ZNF318: variants seen among roughly 807,000 people sequenced by gnomAD.
The protein encoded by ZNF318 is endocrine regulator.
A neutral mutation model predicts 124.2 loss-of-function variants in ZNF318; 51 were observed. The ratio of observed to expected loss-of-function variants is 0.41; its 90% CI spans 0.33 to 0.52. The LOEUF is 0.52. ZNF318 is among the 20% of genes least tolerant of loss of function. The pLI is 0.23. For synonymous variants in ZNF318, 1,090 were observed against 1,040.7 expected (o/e 1.05, Z -0.91); for missense variants, 2,815 against 2,811.2 (o/e 1.00, Z -0.03).
chr6:43,339,173 T>C lies in ZNF318; in HGVS notation c.4825A>G (p.Ser1609Gly), dbSNP rs1779334659. Reference sequence around the variant, plus strand: ...GGAGAAGTAGAAGAGGTGTCTGAACTTTTGGTTCTAGAGAGGTTGCTATTT... The same window carrying C: ...GGAGAAGTAGAAGAGGTGTCTGAACCTTTGGTTCTAGAGAGGTTGCTATTT... Reference protein sequence around the residue: ...GENSNLSRTKSSDTSSTSPLN... With the variant: ...GENSNLSRTKGSDTSSTSPLN... The change falls in exon 10 of 10, where the codon AGT becomes GGT. Residue 1609 changes from serine (S) to glycine (G), a missense_variant. Ser to Gly is a moderately conservative substitution (Grantham distance 56). Coordinates refer to ENST00000361428, the MANE Select transcript of ZNF318 (RefSeq NM_014345.3). The surrounding 1 kb of genome is among the most constrained non-coding windows in gnomAD (Gnocchi z 4.2). The C allele has an allele frequency of 6.2e-7, 1 of 1,614,052 alleles. No homozygotes were observed. The highest frequency in any genetic ancestry group is 8.5e-7 in the Non-Finnish European group (1 of 1,180,028).
intron 2 of ZNF318, 44 bp from the exon 3 acceptor site, chr6:43,357,809 G>A: frequency 6.5e-7 from 1 of 1,529,662 alleles, no homozygotes. Context: ...GACTTGGAAA[G>A]AATAAGAGCA....
At chr6:43,356,816 C>G (rs1333218229) in intron 3 of ZNF318, among the ~76,000 whole-genome samples, 2 of 152,110 alleles carry the variant, frequency 1.3e-5, no homozygotes, top group Non-Finnish European at 2.9e-5. Flanking sequence ...CCTTGCCCTT[C>G]AAGGTTCATT....
chr6:43,346,524 CAAAA>C (rs59587962), intron 6 of ZNF318, among the ~76,000 whole-genome samples: 54 of 104,534 alleles, frequency 5.2e-4, no homozygotes, highest in African/African-American at 7.8e-4. Context: ...CATCTTTAAC[CAAAA>C]AAAAAAAAAA....
chr6:43,368,909 G>T (rs1391184985), intron 1 of ZNF318, 58 bp downstream of exon 1: 25 of 1,294,934 alleles, frequency 1.9e-5, no homozygotes, highest in Non-Finnish European at 2.4e-5. Context: ...CTGGAAACGG[G>T]AATTCCGGGG....
intron 1 of ZNF318, 113 bp downstream of exon 1, chr6:43,368,854 G>A (rs1779795625): frequency 7.3e-6 from 9 of 1,236,614 alleles, no homozygotes; most frequent in Non-Finnish European, 8.1e-6. Context: ...GGAGTTGGCC[G>A]GAGGCTTCGC....
At chr6:43,344,113 G>A (rs76088627) in intron 6 of ZNF318, among the ~76,000 whole-genome samples, 11,501 of 152,054 alleles carry the variant, frequency 0.076, 574 homozygotes, top group Admixed American at 0.11. Flanking sequence ...CTCACGCAGG[G>A]AAAAAGGTAG....
rs151221751 is a variant in ZNF318, at chr6:43,352,069, G to A, written c.2770+308C>T. Among the ~76,000 whole-genome samples, 89 of 148,996 alleles carry A rather than the reference G, an allele frequency of 6.0e-4. 3 individuals carry two copies. In the East Asian group the frequency reaches 7.9e-3, roughly 13 times the overall value. On this transcript the variant is annotated intron_variant, in intron 5 of 9. Coordinates refer to ENST00000361428, the MANE Select transcript of ZNF318 (RefSeq NM_014345.3). ...TGAGGCAGGAGAATCACTTGAACCCGGGGGACAGAGGTTGTAGTGAGCCAA... is the reference window on the plus strand; with the variant it reads ...TGAGGCAGGAGAATCACTTGAACCCAGGGGACAGAGGTTGTAGTGAGCCAA...
chr6:43,352,183 T>TCAC (rs560381745), intron 5 of ZNF318, among the ~76,000 whole-genome samples, 194 bp downstream of exon 5: 1,395 of 110,418 alleles, frequency 0.013, 30 homozygotes, highest in Middle Eastern at 0.058. Flanking sequence ...ATCATCATCA[T>TCAC]CACCACCACC....
At chr6:43,348,726 C>A in intron 5 of ZNF318, 101 bp from the exon 6 acceptor site, 1 of 1,367,992 alleles carries the variant, frequency 7.3e-7, no homozygotes, top group South Asian at 1.4e-5. Context: ...GTTACAAAGT[C>A]TTTGCCCACA....
At chr6:43,362,243 C>T (rs1267994154) in intron 2 of ZNF318, among the ~76,000 whole-genome samples, 1 of 151,946 alleles carries the variant, frequency 6.6e-6, no homozygotes, top group African/African-American at 2.4e-5. Context: ...GGACGGATCA[C>T]GAGGTCAGTT....
intron 4 of ZNF318, among the ~76,000 whole-genome samples, 195 bp downstream of exon 4, chr6:43,354,469 C>CT (rs1488924805): frequency 5.3e-5 from 8 of 152,196 alleles, no homozygotes; most frequent in Non-Finnish European, 1.0e-4. Flanking sequence ...CAAGGCCAGA[C>CT]TTTTGTTTAG....
intron 6 of ZNF318, among the ~76,000 whole-genome samples, chr6:43,347,792 C>T (rs181846795): frequency 2.0e-5 from 3 of 151,972 alleles, no homozygotes; most frequent in African/African-American, 4.8e-5. Flanking sequence ...GACTGAGCCC[C>T]GAGAAACTCA....
chr6:43,361,091 C>T (rs537270641), intron 2 of ZNF318, among the ~76,000 whole-genome samples: 2 of 152,286 alleles, frequency 1.3e-5, no homozygotes, highest in South Asian at 4.1e-4. Context: ...CAAATTACAT[C>T]TCGATAAAGC....
intron 1 of ZNF318, chr6:43,368,748 C>A: frequency 1.0e-6 from 1 of 985,476 alleles, no homozygotes; most frequent in Non-Finnish European, 1.2e-6. Context: ...AGGAACGGAG[C>A]GCGCACTCCC....
rs1256811456 is a variant in ZNF318, at chr6:43,368,940, G to A, written c.399+27C>T. 7.3e-6 allele frequency: 10 copies of A among 1,365,046 alleles called. No homozygotes were observed. The Admixed American group carries it at 1.6e-4, about 22-fold the overall frequency. The allele number at this position is 1,365,046 out of a possible 1,614,324, so 84.6% of individuals were successfully genotyped here. On this transcript the variant is annotated intron_variant, in intron 1 of 9. Transcript: ENST00000361428. ...CGGGGGAGGGGACTGGGGGATGGAG[G>A]GAGTCCTGGACGAGGGGTGGGATTA...
intron 1 of ZNF318, among the ~76,000 whole-genome samples, chr6:43,367,646 A>T (rs1055255934): frequency 6.6e-6 from 1 of 152,256 alleles, no homozygotes; most frequent in South Asian, 2.1e-4. Flanking sequence ...ACTCAGACAG[A>T]AAAGACTGGA....
At chr6:43,345,772 T>A (rs1165878823) in intron 6 of ZNF318, among the ~76,000 whole-genome samples, 1 of 152,192 alleles carries the variant, frequency 6.6e-6, no homozygotes, top group Admixed American at 6.5e-5. Flanking sequence ...GCTAGACATA[T>A]TGTATGCAAT....
At position 43,357,268 on chromosome 6, in the gene ZNF318, C is replaced by T; in HGVS notation, c.1046G>A (p.Cys349Tyr). The change falls in exon 3 of 10, where the codon TGT becomes TAT. Residue 349 changes from cysteine (C) to tyrosine (Y), a missense_variant. Physicochemically the swap from Cys to Tyr is radical, Grantham distance 194. Coordinates refer to ENST00000361428, the MANE Select transcript of ZNF318 (RefSeq NM_014345.3). Reference protein sequence around the residue: ...LVGVDGGGTGCSIPGLSGVLT... With the variant: ...LVGVDGGGTGYSIPGLSGVLT... ...GACACCTGACAATCCAGGGATGGAA[C>T]AGCCAGTACCACCACCATCAACTCC... 6.2e-7 allele frequency: 1 copy of T among 1,614,198 alleles called. No homozygotes were observed. The highest frequency in any genetic ancestry group is 8.5e-7 in the Non-Finnish European group (1 of 1,180,020).
In ZNF318 at chr6:43,338,265, T is replaced by C. The variant is rs1367864008; in HGVS notation, c.5733A>G (p.Gln1911=). The change falls in exon 10 of 10, where the codon CAA becomes CAG. Residue 1911 remains glutamine (Q), a synonymous_variant. Coordinates refer to ENST00000361428, the MANE Select transcript of ZNF318 (RefSeq NM_014345.3). ...CCTCCTCACTAACAACTGAAACTCC[T>C]TGCTCTTGTGGACTACCTGTTAAAC... is the stretch of plus-strand genomic sequence containing the variant. The part of the protein sequence containing the change: ...AMCLTGSPQE[Q]GVSVVSEEGL... 1.2e-6 allele frequency: 2 copies of C among 1,614,036 alleles called. No individual in the cohort carries two copies. The highest frequency in any genetic ancestry group is 2.7e-5 in the African/African-American group (2 of 74,942).
Sources: allele counts gnomAD v4.1 joint callset (sites outside exome capture counted in the v4.1 genomes callset), GRCh38; gene constraint gnomAD v4.1.1; non-coding constraint Gnocchi (gnomAD v3.1); transcripts MANE v1.5; gene names NCBI Gene and HGNC (gene_info 2026-07-23, HGNC 2026-07-21).